The following NUDT5 variants were observed in gnomAD, a reference collection of about 807,000 sequenced individuals.
NUDT5 encodes nudix hydrolase 5, also known as ADP-sugar pyrophosphatase.
In NUDT5, 21 loss-of-function variants were observed where a neutral mutation model predicts 34.1. The observed-to-expected ratio is 0.62, with a 90% CI of 0.44 to 0.89. The LOEUF (loss-of-function observed/expected upper bound fraction) is 0.89. NUDT5 is among the 40% of genes least tolerant of loss of function. The pLI, the probability that NUDT5 is intolerant of heterozygous loss-of-function variation, is 0.00. For synonymous variants in NUDT5, 85 were observed against 97.6 expected (o/e 0.87, Z 0.76); for missense variants, 249 against 274.8 (o/e 0.91, Z 0.66).
In NUDT5 at chr10:12,171,383, G is replaced by T. The variant is rs1369612426; in HGVS notation, c.488-475C>A. Among the ~76,000 whole-genome samples the T allele has an allele frequency of 6.6e-6, 1 of 152,178 alleles. No homozygotes were observed. The highest frequency in any genetic ancestry group is 1.5e-5 in the Non-Finnish European group (1 of 68,038). On this transcript the variant is annotated intron_variant, in intron 7 of 9. Coordinates refer to ENST00000491614, the MANE Select transcript of NUDT5 (RefSeq NM_014142.4). This position sits in a 1 kb window ranked among gnomAD's most constrained non-coding sequence, Gnocchi z 4.2. ...TCAGTTTGTCTATTCTGGGCACCCA[G>T]ATACGTAGAATCAGAGTATTTGCCC...
rs996115599 is a variant in NUDT5, at chr10:12,165,728, T to C, written c.*1974A>G. 2.6e-5 allele frequency: 4 copies of C among 152,266 alleles called. No individual in the cohort carries two copies. The highest frequency in any genetic ancestry group is 1.9e-4 in the East Asian group (1 of 5,180). The allele number at this position is 152,266 out of a possible 1,614,324, so 9.4% of individuals were successfully genotyped here. On this transcript the variant is annotated 3_prime_UTR_variant, in exon 10 of 10. Coordinates refer to ENST00000491614, the MANE Select transcript of NUDT5 (RefSeq NM_014142.4). ...AAGACACCCTTTTCAGAAGTATGGG[T>C]TTTCATTGCTGTTTAGTTTCTTAGG...
At chr10:12,189,994 T>C (rs1238366058) in intron 1 of NUDT5, among the ~76,000 whole-genome samples, 2 of 151,450 alleles carry the variant, frequency 1.3e-5, no homozygotes, top group Non-Finnish European at 2.9e-5. Context: ...CCTGGGTTCA[T>C]GCCATTCTCC....
At position 12,168,831 on chromosome 10, in the gene NUDT5, T is replaced by C. The variant is rs889897462; in HGVS notation, c.551-1020A>G. On this transcript the variant is annotated intron_variant, in intron 9 of 9. Coordinates refer to ENST00000491614, the MANE Select transcript of NUDT5 (RefSeq NM_014142.4). This position sits in a 1 kb window ranked among gnomAD's most constrained non-coding sequence, Gnocchi z 4.8. ...AGGCTGCAGTGCAGTGCCACGATCT[T>C]GGCTCACTGCAACCTGCGCCTCCCG... Among the ~76,000 whole-genome samples, 1 of 152,044 alleles carries C rather than the reference T, an allele frequency of 6.6e-6. No individual in the cohort carries two copies. The highest frequency in any genetic ancestry group is 1.5e-5 in the Non-Finnish European group (1 of 67,992).
chr10:12,170,981 G>A lies in NUDT5; in HGVS notation c.488-73C>T. 1 of 1,514,114 alleles carries A rather than the reference G, an allele frequency of 6.6e-7. No individual in the cohort carries two copies. The highest frequency in any genetic ancestry group is 9.0e-7 in the Non-Finnish European group (1 of 1,107,366). 93.8% of individuals were successfully genotyped at this position (1,514,114 alleles called of 1,614,324 possible). A position where few individuals can be genotyped will look rare whatever the true frequency, so the allele number is the denominator to read the frequency against. On this transcript the variant is annotated intron_variant, in intron 7 of 9. Coordinates refer to ENST00000491614, the MANE Select transcript of NUDT5 (RefSeq NM_014142.4). The surrounding 1 kb of genome is among the most constrained non-coding windows in gnomAD (Gnocchi z 4.9). ...ACATCGGAAGACTTTTATACAAGAG[G>A]CGTCAAAAAGGCTTTGAGAATTTCA...
At chr10:12,184,307 AC>A (rs1459570239) in intron 3 of NUDT5, among the ~76,000 whole-genome samples, 5 of 130,132 alleles carry the variant, frequency 3.8e-5, no homozygotes, top group Middle Eastern at 3.6e-3. Flanking sequence ...CCCGGCCCCC[AC>A]CCTTGGCCTC....
Position 12,170,181 on chromosome 10 carries a change from A to T in NUDT5, c.550+536T>A. On this transcript the variant is annotated intron_variant, in intron 9 of 9. Coordinates refer to ENST00000491614, the MANE Select transcript of NUDT5 (RefSeq NM_014142.4). This position sits in a 1 kb window ranked among gnomAD's most constrained non-coding sequence, Gnocchi z 4.9. ...TCTAAAAGATGGGTGGCCAAGAATT[A>T]TACAATGCATCTACATGACCAGTGA... is the stretch of plus-strand genomic sequence containing the variant. 1 of 1,612,622 alleles carries T rather than the reference A, an allele frequency of 6.2e-7. No individual in the cohort carries two copies. Among genetic ancestry groups the T allele is most frequent in the Non-Finnish European group, 8.5e-7 (1 of 1,179,644 alleles).
At chr10:12,183,730 C>T (rs746165145) in intron 3 of NUDT5, among the ~76,000 whole-genome samples, 3 of 152,150 alleles carry the variant, frequency 2.0e-5, no homozygotes, top group Non-Finnish European at 4.4e-5. Context: ...AAAAGGTTAA[C>T]CACACAGCTT....
At position 12,187,555 on chromosome 10, in the gene NUDT5, T is replaced by C. The variant is rs1224672900; in HGVS notation, c.-41-1223A>G. Reference sequence around the variant, plus strand: ...ACACATGGTTGTTAATTCAGCTGTATATAGAATTATAGACCCAAAGCCAGT... The same window carrying C: ...ACACATGGTTGTTAATTCAGCTGTACATAGAATTATAGACCCAAAGCCAGT... On this transcript the variant is annotated intron_variant, in intron 1 of 9. Transcript: ENST00000491614. This position sits in a 1 kb window ranked among gnomAD's most constrained non-coding sequence, Gnocchi z 5.4. Among the ~76,000 whole-genome samples, 2 of 152,212 alleles carry C rather than the reference T, an allele frequency of 1.3e-5. No homozygotes were observed. Among genetic ancestry groups the C allele is most frequent in the Non-Finnish European group, 1.5e-5 (1 of 68,034 alleles).
At position 12,166,704 on chromosome 10, in the gene NUDT5, G is replaced by C. The variant is rs1458378792; in HGVS notation, c.*998C>G. 2.0e-6 allele frequency: 1 copy of C among 509,008 alleles called. No homozygotes were observed. The highest frequency in any genetic ancestry group is 5.8e-5 in the East Asian group (1 of 17,224). 31.5% of individuals were successfully genotyped at this position (509,008 alleles called of 1,614,324 possible). ...CATCCTGAGAATTCCGTGGGGGCCA[G>C]ACTGGAAAGTCCTGGAAAATCATGG... On this transcript the variant is annotated 3_prime_UTR_variant, in exon 10 of 10. Transcript: ENST00000491614.
chr10:12,170,777 A>T lies in NUDT5; in HGVS notation c.497-7T>A. The T allele has an allele frequency of 1.2e-6, 2 of 1,614,180 alleles. No individual in the cohort carries two copies. The highest frequency in any genetic ancestry group is 1.7e-6 in the Non-Finnish European group (2 of 1,180,012). On this transcript the variant is annotated splice_polypyrimidine_tract_variant and splice_region_variant and intron_variant, in intron 8 of 9. Coordinates refer to ENST00000491614, the MANE Select transcript of NUDT5 (RefSeq NM_014142.4). This position sits in a 1 kb window ranked among gnomAD's most constrained non-coding sequence, Gnocchi z 4.9. ...GAAATGACTTCCACAAACTCTAAAC[A>T]GACAAAGTGCAAGTGAAAACAAAGC...
chr10:12,184,001 A>T (rs1420360603), intron 3 of NUDT5, among the ~76,000 whole-genome samples: 1 of 152,210 alleles, frequency 6.6e-6, no homozygotes, highest in Non-Finnish European at 1.5e-5. Context: ...CATTTTCTAT[A>T]CATAAATTTA....
Position 12,186,259 on chromosome 10 carries a change from C to T in NUDT5, c.33G>A (p.Gln11=). 2.5e-6 allele frequency: 4 copies of T among 1,614,022 alleles called. No individual in the cohort carries two copies. Among genetic ancestry groups the T allele is most frequent in the Non-Finnish European group, 3.4e-6 (4 of 1,179,842 alleles). The change falls in exon 2 of 10, where the codon CAG becomes CAA. Residue 11 remains glutamine, a synonymous_variant. Coordinates refer to ENST00000491614, the MANE Select transcript of NUDT5 (RefSeq NM_014142.4). ...CTGAAATGATATACTGTTTGCCATT[C>T]TGAGAAGATTCCGTTGGTTCTTGGC... MESQEPTESS[Q]NGKQYIISEE...
At chr10:12,180,556 A>T (rs1835026003) in intron 3 of NUDT5, 1 of 152,220 alleles carries the variant, frequency 6.6e-6, no homozygotes, top group African/African-American at 2.4e-5. Context: ...ACAAGCAGTA[A>T]CGAGCCATAA....
In NUDT5 at chr10:12,167,445, G is replaced by A. The variant is rs1834729951; in HGVS notation, c.*257C>T. On this transcript the variant is annotated 3_prime_UTR_variant, in exon 10 of 10. Transcript: ENST00000491614. The stretch of plus-strand genomic sequence containing the variant: ...AGTAACTGAGCTGTAGTTAACTGCT[G>A]TTGAGCTTTAAAAAAATTGGAGTAA... The A allele has an allele frequency of 1.3e-5, 5 of 380,330 alleles. No individual in the cohort carries two copies. Among genetic ancestry groups the A allele is most frequent in the Admixed American group, 4.3e-5 (1 of 23,092 alleles). 23.6% of individuals were successfully genotyped at this position (380,330 alleles called of 1,614,324 possible). A position where few individuals can be genotyped will look rare whatever the true frequency, so the allele number is the denominator to read the frequency against.
chr10:12,166,962 A>G lies in NUDT5; in HGVS notation c.*740T>C, dbSNP rs1223219650. ...AAGATATTACTGCCCCAAACATGTCAGTCTTACAGATTTGTTTTCAGAAAC... is the reference window on the plus strand; with the variant it reads ...AAGATATTACTGCCCCAAACATGTCGGTCTTACAGATTTGTTTTCAGAAAC... On this transcript the variant is annotated 3_prime_UTR_variant, in exon 10 of 10. Coordinates refer to ENST00000491614, the MANE Select transcript of NUDT5 (RefSeq NM_014142.4). 4.3e-6 allele frequency: 1 copy of G among 230,736 alleles called. No individual in the cohort carries two copies. The highest frequency in any genetic ancestry group is 9.1e-6 in the Non-Finnish European group (1 of 110,020). 14.3% of individuals were successfully genotyped at this position (230,736 alleles called of 1,614,324 possible).
chr10:12,167,495 T>G lies in NUDT5; in HGVS notation c.*207A>C, dbSNP rs1195988503. 2 of 516,280 alleles carry G rather than the reference T, an allele frequency of 3.9e-6. No individual in the cohort carries two copies. Among genetic ancestry groups the G allele is most frequent in the African/African-American group, 4.0e-5 (2 of 50,598 alleles). 32.0% of individuals were successfully genotyped at this position (516,280 alleles called of 1,614,324 possible). On this transcript the variant is annotated 3_prime_UTR_variant, in exon 10 of 10. Coordinates refer to ENST00000491614, the MANE Select transcript of NUDT5 (RefSeq NM_014142.4). Reference sequence around the variant, plus strand: ...AACATACTTGCATTTATATTCTTTGTTAATTTTAGCTGGAGTTATAACAAA... The same window carrying G: ...AACATACTTGCATTTATATTCTTTGGTAATTTTAGCTGGAGTTATAACAAA...
Position 12,172,781 on chromosome 10 carries a change from C to A in NUDT5, c.471G>T (p.Arg157Ser). ...TINGDDAENARPKPKPGDGEF... is the reference protein window; with the variant it reads ...TINGDDAENASPKPKPGDGEF... Reference sequence around the variant, plus strand: ...CACACATACCTGGCTTTGGCTTCGGCCTTGCGTTTTCGGCATCATCTCCGT... The same window carrying A: ...CACACATACCTGGCTTTGGCTTCGGACTTGCGTTTTCGGCATCATCTCCGT... The change falls in exon 7 of 10, where the codon AGG becomes AGT. Residue 157 changes from arginine to serine, a missense_variant. Physicochemically the swap from Arg to Ser is moderately radical, Grantham distance 110 (BLOSUM62 -1). Coordinates refer to ENST00000491614, the MANE Select transcript of NUDT5 (RefSeq NM_014142.4). 1.2e-6 allele frequency: 2 copies of A among 1,614,064 alleles called. No individual in the cohort carries two copies. Among genetic ancestry groups the A allele is most frequent in the Non-Finnish European group, 1.7e-6 (2 of 1,179,888 alleles).
chr10:12,184,997 C>A, intron 2 of NUDT5, 41 bp from the exon 3 acceptor site: 3 of 1,079,458 alleles, frequency 2.8e-6, no homozygotes, highest in Non-Finnish European at 2.8e-6. Flanking sequence ...ACTTTCAAAC[C>A]AAGTTGTTTT....
chr10:12,191,193 C>G (rs576364041), intron 1 of NUDT5, among the ~76,000 whole-genome samples: 1 of 152,106 alleles, frequency 6.6e-6, no homozygotes, highest in African/African-American at 2.4e-5. Context: ...ACCATCCTGG[C>G]TAACATGGTG....
Sources: gnomAD v4.1 joint callset for allele counts (sites outside exome capture counted in the v4.1 genomes callset) on GRCh38, gnomAD v4.1.1 for gene constraint, Gnocchi (gnomAD v3.1) non-coding constraint, MANE v1.5 for transcripts, NCBI Gene and HGNC (gene_info 2026-07-23, HGNC 2026-07-21) for gene names.